DCAF1: variants seen among roughly 807,000 people sequenced by gnomAD.
DCAF1 encodes DDB1- and CUL4-associated factor 1.
DCAF1 carries 15 observed loss-of-function variants against 128.0 expected under a neutral mutation model. That is an observed-to-expected ratio of 0.12 (90% confidence interval 0.08 to 0.18). The LOEUF is 0.18. Among genes scored for constraint, DCAF1 ranks in the 10% least tolerant of loss-of-function variants. The pLI is 1.00. For synonymous variants in DCAF1, 610 were observed against 603.0 expected, an observed-to-expected ratio of 1.01 and a Z score of -0.17; for missense variants, 988 against 1,649.5, an observed-to-expected ratio of 0.60 and a Z score of 6.95.
intron 2 of DCAF1, among the ~76,000 whole-genome samples, chr3:51,490,909 C>G (rs1267826434): frequency 2.0e-5 from 3 of 150,990 alleles, no homozygotes; most frequent in Non-Finnish European, 3.0e-5. Flanking sequence ...CTGGGAGCAA[C>G]AGAGAGAGAC....
chr3:51,489,531 G>A (rs1707371403), intron 2 of DCAF1, among the ~76,000 whole-genome samples: 1 of 152,024 alleles, frequency 6.6e-6, no homozygotes, highest in Admixed American at 6.6e-5. Context: ...GCTCATGCCT[G>A]TAATTTCAGA....
intron 3 of DCAF1, 56 bp from the exon 4 acceptor site, chr3:51,471,061 C>T: frequency 8.7e-7 from 1 of 1,147,298 alleles, no homozygotes; most frequent in Non-Finnish European, 1.3e-6. Flanking sequence ...AATGGACCAC[C>T]ACTACAACAG....
At chr3:51,475,717 C>T (rs1199973904) in intron 3 of DCAF1, among the ~76,000 whole-genome samples, 1 of 152,174 alleles carries the variant, frequency 6.6e-6, no homozygotes, top group South Asian at 2.1e-4. Flanking sequence ...AAAAATTAGC[C>T]GGGCACGGTG....
At chr3:51,430,805 A>T (rs996839629) in intron 10 of DCAF1, among the ~76,000 whole-genome samples, 1 of 152,260 alleles carries the variant, frequency 6.6e-6, no homozygotes, top group Non-Finnish European at 1.5e-5. Flanking sequence ...ATTAAAACTG[A>T]TATTATTAAT....
intron 6 of DCAF1, among the ~76,000 whole-genome samples, chr3:51,446,096 T>G (rs1463021790): frequency 6.6e-6 from 1 of 150,456 alleles, no homozygotes; most frequent in Non-Finnish European, 1.5e-5. Flanking sequence ...CAGGTTCAAG[T>G]GTTTCTCCTG....
At chr3:51,399,194 C>T (rs2106742344) in intron 24 of DCAF1, among the ~76,000 whole-genome samples, 1 of 152,322 alleles carries the variant, frequency 6.6e-6, no homozygotes, top group East Asian at 1.9e-4. Context: ...TGGCCCTTGG[C>T]CTCTGCTGTC....
At chr3:51,465,812 C>T (rs1175663127) in intron 5 of DCAF1, among the ~76,000 whole-genome samples, 4 of 152,148 alleles carry the variant, frequency 2.6e-5, no homozygotes, top group African/African-American at 9.7e-5. Flanking sequence ...TCATCGTGTG[C>T]CAGGCTCTCT....
At chr3:51,433,712 C>G (rs1700575257) in intron 9 of DCAF1, among the ~76,000 whole-genome samples, 1 of 151,424 alleles carries the variant, frequency 6.6e-6, no homozygotes, top group Admixed American at 6.6e-5. Flanking sequence ...ATCCGCCCAC[C>G]TGTGCCTCCT....
chr3:51,431,725 G>A (rs560535628), intron 10 of DCAF1, among the ~76,000 whole-genome samples: 2 of 152,034 alleles, frequency 1.3e-5, no homozygotes, highest in East Asian at 1.9e-4. Flanking sequence ...GCCATGGTGG[G>A]AGGAGTACTT....
intron 23 of DCAF1, among the ~76,000 whole-genome samples, chr3:51,409,164 A>T (rs552712240): frequency 3.3e-5 from 5 of 152,334 alleles, no homozygotes; most frequent in African/African-American, 1.2e-4. Flanking sequence ...TAAGCAGGAC[A>T]AAAGAAGAAG....
In DCAF1 at chr3:51,428,953, C is replaced by CAT. The variant is rs1420456325; in HGVS notation, c.1677+307_1677+308insAT. On this transcript the variant is annotated intron_variant, in intron 12 of 24. Coordinates refer to ENST00000684031, the MANE Select transcript of DCAF1 (RefSeq NM_001387579.1). Reference sequence around the variant, plus strand: ...GGTTAATGTTGCAATGAGGTGTGGTCACATCACTGCACTCCAGCCTGGGTG... The same window carrying CAT: ...GGTTAATGTTGCAATGAGGTGTGGTCATACATCACTGCACTCCAGCCTGGGTG... Among the ~76,000 whole-genome samples, 16 of 152,152 alleles carry CAT rather than the reference C, an allele frequency of 1.1e-4. No individual in the cohort carries two copies. The South Asian group carries it at 2.5e-3, about 24-fold the overall frequency.
chr3:51,417,183 T>C (rs1287817371), intron 17 of DCAF1, among the ~76,000 whole-genome samples: 3 of 152,114 alleles, frequency 2.0e-5, no homozygotes, highest in Non-Finnish European at 4.4e-5. Flanking sequence ...TTTGAGAGGC[T>C]GAGGCAGGTG....
chr3:51,478,008 T>TTTG (rs374960714), intron 3 of DCAF1, among the ~76,000 whole-genome samples: 6 of 152,112 alleles, frequency 3.9e-5, no homozygotes, highest in Admixed American at 1.3e-4. Flanking sequence ...TCTGTTAGTT[T>TTTG]TTGTTGTTGT....
chr3:51,397,222 T>C (rs369265536), downstream of DCAF1: 140 of 167,210 alleles, frequency 8.4e-4, 4 homozygotes, highest in South Asian at 0.026. Context: ...GAGACTATGG[T>C]CTTCTATTTA....
chr3:51,499,153 T>A lies in DCAF1; in HGVS notation c.-56+720A>T, dbSNP rs1029265113. Among the ~76,000 whole-genome samples the A allele has an allele frequency of 5.3e-5, 8 of 152,072 alleles. No individual in the cohort carries two copies. In the East Asian group the frequency reaches 1.5e-3, roughly 29 times the overall value. Reference sequence around the variant, plus strand: ...TAAGAGGAAACCAGACAGAAAACCGTCTAAGAAGTGAAGTTGTTAAGCAAA... The same window carrying A: ...TAAGAGGAAACCAGACAGAAAACCGACTAAGAAGTGAAGTTGTTAAGCAAA... On this transcript the variant is annotated intron_variant, in intron 1 of 24. Transcript: ENST00000684031.
At chr3:51,417,758 GGAAA>G (rs1340189533) in intron 17 of DCAF1, among the ~76,000 whole-genome samples, 1 of 146,882 alleles carries the variant, frequency 6.8e-6, no homozygotes, top group Admixed American at 6.9e-5. Flanking sequence ...GGAAAGGAAA[GGAAA>G]GGAGAGGAGA....
At chr3:51,473,978 AT>A (rs112740721) in intron 3 of DCAF1, among the ~76,000 whole-genome samples, 11,207 of 144,986 alleles carry the variant, frequency 0.077, 953 homozygotes, top group East Asian at 0.33. Flanking sequence ...TCATTTTTGT[AT>A]TTTTTTTTTT....
At chr3:51,503,936 G>A (rs950532198), upstream of DCAF1, among the ~76,000 whole-genome samples, 14 of 152,122 alleles carry the variant, frequency 9.2e-5, no homozygotes, top group African/African-American at 3.4e-4. Context: ...TTTGCCTCAG[G>A]TTCCTGGGGT....
intron 6 of DCAF1, among the ~76,000 whole-genome samples, chr3:51,445,734 G>A (rs12489414): frequency 0.068 from 10,269 of 152,082 alleles, 906 homozygotes; most frequent in East Asian, 0.33. Context: ...TACTAGATGA[G>A]GCCAAATTTT....
Sources: allele counts gnomAD v4.1 joint callset (sites outside exome capture counted in the v4.1 genomes callset), GRCh38; gene constraint gnomAD v4.1.1; transcripts MANE v1.5; gene names NCBI Gene and HGNC (gene_info 2026-07-23, HGNC 2026-07-21).